LOXHD1: variants seen among roughly 807,000 people sequenced by gnomAD.
LOXHD1 encodes lipoxygenase homology domain-containing protein 1.
A neutral mutation model predicts 248.2 loss-of-function variants in LOXHD1; 205 were observed. The observed-to-expected ratio is 0.83, with a 90% CI of 0.74 to 0.93. The LOEUF (loss-of-function observed/expected upper bound fraction) is 0.93. LOXHD1 is among the 40% of genes least tolerant of loss of function. LOXHD1 has a pLI of 0.00. For synonymous variants in LOXHD1, 1,113 were observed against 1,162.8 expected, an observed-to-expected ratio of 0.96 and a Z score of 0.87; for missense variants, 2,930 against 2,971.6, an observed-to-expected ratio of 0.99 and a Z score of 0.33.
intron 6 of LOXHD1, 144 bp from the exon 7 acceptor site, chr18:46,604,373 G>A: frequency 9.0e-7 from 1 of 1,114,188 alleles, no homozygotes; most frequent in Non-Finnish European, 1.3e-6. Context: ...CTTATCACAA[G>A]GACACAACTG....
In LOXHD1 at chr18:46,569,469, G is replaced by A. The variant is rs2144081863; in HGVS notation, c.2217C>T (p.Phe739=). 13 of 1,552,210 alleles carry A rather than the reference G, an allele frequency of 8.4e-6. No individual in the cohort carries two copies. The highest frequency in any genetic ancestry group is 1.1e-5 in the Non-Finnish European group (13 of 1,147,110). Residue 739 remains phenylalanine, a synonymous_variant, in exon 16 of 41, where the codon TTC becomes TTT. Coordinates refer to ENST00000642948, the MANE Select transcript of LOXHD1 (RefSeq NM_001384474.1). Reference sequence around the variant, plus strand: ...TTCCAATGTTCAGGGTCTCGAGGGTGAACTCATCCACCCGGCCACGTTCAA... The same window carrying A: ...TTCCAATGTTCAGGGTCTCGAGGGTAAACTCATCCACCCGGCCACGTTCAA... ...DYFERGRVDE[F]TLETLNIGNI...
intron 37 of LOXHD1, among the ~76,000 whole-genome samples, chr18:46,502,126 T>C (rs1250731594): frequency 1.3e-5 from 2 of 152,240 alleles, no homozygotes; most frequent in Admixed American, 1.3e-4. Context: ...TGAGGCCTCA[T>C]GTTTCTTCTA....
intron 12 of LOXHD1, among the ~76,000 whole-genome samples, chr18:46,583,019 T>A (rs866152918): frequency 2.0e-5 from 3 of 152,064 alleles, no homozygotes; most frequent in Non-Finnish European, 4.4e-5. Flanking sequence ...TAGTCAAACA[T>A]CAAAACGGAA....
intron 22 of LOXHD1, 46 bp from the exon 23 acceptor site, chr18:46,545,467 T>G: frequency 6.9e-7 from 1 of 1,440,070 alleles, no homozygotes; most frequent in Non-Finnish European, 9.6e-7. Flanking sequence ...ACTGTTCCTT[T>G]CATGAAAGGA....
intron 21 of LOXHD1, among the ~76,000 whole-genome samples, chr18:46,548,066 C>A (rs117615537): frequency 6.6e-6 from 1 of 152,218 alleles, no homozygotes; most frequent in African/African-American, 2.4e-5. Flanking sequence ...TCTCAGTAAG[C>A]ATTGCTACTG....
intron 15 of LOXHD1, 84 bp downstream of exon 15, chr18:46,572,002 C>T (rs751555521): frequency 3.3e-5 from 39 of 1,189,254 alleles, no homozygotes; most frequent in Non-Finnish European, 4.0e-5. Flanking sequence ...ATGAAGTGCT[C>T]GTGTTTTCTT....
chr18:46,592,564 G>A lies in LOXHD1; in HGVS notation c.1452C>T (p.Gly484=). The change falls in exon 11 of 41, where the codon GGC becomes GGT. Residue 484 remains glycine (G), a synonymous_variant. Transcript: ENST00000642948. ...EKFRIELPDL[G]RFYKIRVWHD... ...GCCATACTCGAATCTTATAAAACCT[G>A]CCAAGATCCGGGAGCTCAATCTATG... is the stretch of plus-strand genomic sequence containing the variant. The A allele has an allele frequency of 6.4e-7, 1 of 1,551,522 alleles. No individual in the cohort carries two copies. Among genetic ancestry groups the A allele is most frequent in the Non-Finnish European group, 8.7e-7 (1 of 1,146,896 alleles).
In LOXHD1 at chr18:46,541,793, G is replaced by A. The variant is rs113591161; in HGVS notation, c.3896C>T (p.Thr1299Met). 128 of 1,551,686 alleles carry A rather than the reference G, an allele frequency of 8.2e-5. No homozygotes were observed. The East Asian group carries it at 1.2e-3, about 14-fold the overall frequency. ...GTTCCTACATGGTGTGTACAGCCTCGTCTGAAGCTCTGCATGGAAGAGGTC... is the reference window on the plus strand; with the variant it reads ...GTTCCTACATGGTGTGTACAGCCTCATCTGAAGCTCTGCATGGAAGAGGTC... ...IRDLFHAELQ[T>M]RLYTPFVPYE... Residue 1299 changes from threonine to methionine, a missense_variant, in exon 25 of 41, where the codon ACG (threonine) becomes ATG (methionine). Coordinates refer to ENST00000642948, the MANE Select transcript of LOXHD1 (RefSeq NM_001384474.1).
chr18:46,631,760 T>C (rs2038826729), intron 4 of LOXHD1, among the ~76,000 whole-genome samples: 1 of 152,204 alleles, frequency 6.6e-6, no homozygotes, highest in African/African-American at 2.4e-5. Context: ...CAGAAAGACC[T>C]GCCCCACTGG....
intron 34 of LOXHD1, 63 bp downstream of exon 34, chr18:46,518,066 G>A (rs1326883622): frequency 6.5e-7 from 1 of 1,545,428 alleles, no homozygotes; most frequent in Non-Finnish European, 8.7e-7. Flanking sequence ...CTGAAGGCAG[G>A]GTGGGGCAGA....
chr18:46,632,577 G>A (rs1025526998), intron 4 of LOXHD1, among the ~76,000 whole-genome samples: 3 of 152,034 alleles, frequency 2.0e-5, no homozygotes, highest in Admixed American at 6.5e-5. Flanking sequence ...AGCCATTCCC[G>A]GCAGGATGGA....
Position 46,521,033 on chromosome 18 carries a change from C to T in LOXHD1, c.5271+64G>A, listed in dbSNP as rs371861277. 11 of 1,510,410 alleles carry T rather than the reference C, an allele frequency of 7.3e-6. No homozygotes were observed. The East Asian group carries it at 1.2e-4, about 17-fold the overall frequency. The allele number at this position is 1,510,410 out of a possible 1,614,324, so 93.6% of individuals were successfully genotyped here. A position where few individuals can be genotyped will look rare whatever the true frequency, so the allele number is the denominator to read the frequency against. ...ACTTCTTCCACTTCTGTCTCCCCTGCTGCTCCCCACCTCAACCTGCACTGC... is the reference window on the plus strand; with the variant it reads ...ACTTCTTCCACTTCTGTCTCCCCTGTTGCTCCCCACCTCAACCTGCACTGC... On this transcript the variant is annotated intron_variant, in intron 33 of 40. Coordinates refer to ENST00000642948, the MANE Select transcript of LOXHD1 (RefSeq NM_001384474.1).
chr18:46,479,376 C>T (rs1458042946), intron 40 of LOXHD1, among the ~76,000 whole-genome samples: 1 of 151,700 alleles, frequency 6.6e-6, no homozygotes, highest in Admixed American at 6.6e-5. Flanking sequence ...AAGAAGTCCT[C>T]CCAAACCTTC....
intron 34 of LOXHD1, among the ~76,000 whole-genome samples, chr18:46,510,841 C>T (rs2034916337): frequency 6.6e-6 from 1 of 152,192 alleles, no homozygotes; most frequent in Non-Finnish European, 1.5e-5. Context: ...AAGTCAGCCC[C>T]ATATCCCTCC....
In LOXHD1 at chr18:46,563,087, C is replaced by T. The variant is rs2037563620; in HGVS notation, c.2576G>A (p.Arg859Gln). The change falls in exon 18 of 41, where the codon CGG becomes CAG. Residue 859 changes from arginine to glutamine, a missense_variant. Physicochemically the swap from Arg to Gln is conservative, Grantham distance 43 (BLOSUM62 1). Coordinates refer to ENST00000642948, the MANE Select transcript of LOXHD1 (RefSeq NM_001384474.1). ...TACCTGGAATGTGTCCTTGGACGCC[C>T]GTTCAAAAACTTTTGAGCGGCTGGA... ...FLSSRSKVFE[R>Q]ASKDTFQLEA... The T allele has an allele frequency of 7.1e-6, 11 of 1,544,020 alleles. No individual in the cohort carries two copies. The highest frequency in any genetic ancestry group is 2.0e-5 in the Admixed American group (1 of 50,908).
At chr18:46,514,169 C>T (rs891661702) in intron 34 of LOXHD1, among the ~76,000 whole-genome samples, 2 of 152,204 alleles carry the variant, frequency 1.3e-5, no homozygotes, top group Admixed American at 6.5e-5. Context: ...TAAGTCTCTG[C>T]TATTCTTGAA....
At chr18:46,637,651 A>C in intron 4 of LOXHD1, among the ~76,000 whole-genome samples, 1 of 152,106 alleles carries the variant, frequency 6.6e-6, no homozygotes, top group East Asian at 1.9e-4. Flanking sequence ...CACACATAAA[A>C]ATTGCCAATA....
chr18:46,582,134 A>G (rs576894589), intron 12 of LOXHD1, among the ~76,000 whole-genome samples: 2 of 152,356 alleles, frequency 1.3e-5, no homozygotes, highest in South Asian at 4.1e-4. Flanking sequence ...GTAAATACAT[A>G]GAAAATATGC....
In LOXHD1 at chr18:46,579,734, T is replaced by C; in HGVS notation, c.1705A>G (p.Thr569Ala). The C allele has an allele frequency of 6.4e-7, 1 of 1,551,784 alleles. No individual in the cohort carries two copies. Among genetic ancestry groups the C allele is most frequent in the Non-Finnish European group, 8.7e-7 (1 of 1,147,008 alleles). ...AGGCAGAGATAGACGTTGGCATCGGTCCCAGCACCTTCAAGTTCACCTGTG... is the reference window on the plus strand; with the variant it reads ...AGGCAGAGATAGACGTTGGCATCGGCCCCAGCACCTTCAAGTTCACCTGTG... ...VCTGELEGAG[T>A]DANVYLCLFG... The change falls in exon 13 of 41, where the codon ACC becomes GCC. Residue 569 changes from threonine to alanine, a missense_variant. Physicochemically the swap from Thr to Ala is moderately conservative, Grantham distance 58. Coordinates refer to ENST00000642948, the MANE Select transcript of LOXHD1 (RefSeq NM_001384474.1).
Sources: gnomAD v4.1 joint callset for allele counts (sites outside exome capture counted in the v4.1 genomes callset) on GRCh38, gnomAD v4.1.1 for gene constraint, MANE v1.5 for transcripts, NCBI Gene and HGNC (gene_info 2026-07-23, HGNC 2026-07-21) for gene names.